The following PLB1 variants were observed in gnomAD, a reference collection of about 807,000 sequenced individuals.
PLB1 encodes phospholipase B1, membrane-associated.
A neutral mutation model predicts 227.4 loss-of-function variants in PLB1; 242 were observed. The ratio of observed to expected loss-of-function variants is 1.06; its 90% CI spans 0.96 to 1.18. PLB1 has a LOEUF of 1.18. Ranked by LOEUF, PLB1 falls within the 50% of genes most tolerant of loss-of-function variation. The pLI, the probability that PLB1 is intolerant of heterozygous loss-of-function variation, is 0.00. For synonymous variants in PLB1, 757 were observed against 682.2 expected (o/e 1.11, Z -1.71); for missense variants, 1,858 against 1,816.3 (o/e 1.02, Z -0.42).
intron 56 of PLB1, among the ~76,000 whole-genome samples, chr2:28,637,335 A>G (rs1176722251): frequency 2.6e-5 from 4 of 151,900 alleles, no homozygotes; most frequent in Non-Finnish European, 5.9e-5. Context: ...TTGAAAAACA[A>G]TATCAGTGCC....
chr2:28,637,366 G>A (rs965378995), intron 56 of PLB1, among the ~76,000 whole-genome samples: 1 of 151,642 alleles, frequency 6.6e-6, no homozygotes, highest in Admixed American at 6.6e-5. Flanking sequence ...TATCCCCAGA[G>A]AGTCTGACTT....
chr2:28,544,914 G>A (rs191909516), intron 14 of PLB1, among the ~76,000 whole-genome samples: 13 of 152,316 alleles, frequency 8.5e-5, no homozygotes, highest in African/African-American at 3.1e-4. Context: ...AGAAGCTGGA[G>A]AGGGCAGGTC....
At chr2:28,531,932 C>T (rs1671066334) in intron 8 of PLB1, among the ~76,000 whole-genome samples, 176 bp from the exon 9 acceptor site, 1 of 152,064 alleles carries the variant, frequency 6.6e-6, no homozygotes, top group African/African-American at 2.4e-5. Flanking sequence ...TATATTTTAT[C>T]AATCTAGAGC....
intron 9 of PLB1, among the ~76,000 whole-genome samples, chr2:28,536,844 A>C (rs1186232139): frequency 1.3e-5 from 2 of 152,160 alleles, no homozygotes; most frequent in East Asian, 3.9e-4. Flanking sequence ...CAGTGCCTGG[A>C]ATGACTGGGT....
chr2:28,589,646 C>G (rs1230346787), intron 27 of PLB1, 29 bp from the exon 28 acceptor site: 32 of 1,610,130 alleles, frequency 2.0e-5, no homozygotes, highest in Non-Finnish European at 2.6e-5. Context: ...GTGTCTATAA[C>G]TGCCTCTCTT....
chr2:28,630,523 C>A, intron 53 of PLB1, 63 bp from the exon 54 acceptor site: 2 of 1,461,886 alleles, frequency 1.4e-6, no homozygotes, highest in East Asian at 2.3e-5. Flanking sequence ...CAGAGCCAGC[C>A]TCCCAGGAGG....
intron 1 of PLB1, among the ~76,000 whole-genome samples, chr2:28,501,234 G>A (rs1045038561): frequency 4.0e-5 from 6 of 151,872 alleles, no homozygotes; most frequent in Non-Finnish European, 7.4e-5. Flanking sequence ...GCAAATCTGG[G>A]TTACAGACAC....
intron 31 of PLB1, among the ~76,000 whole-genome samples, chr2:28,592,039 T>G (rs1160360726): frequency 6.6e-6 from 1 of 152,148 alleles, no homozygotes; most frequent in Admixed American, 6.5e-5. Flanking sequence ...GAGCACACCC[T>G]TGGTGGCTCA....
At position 28,598,797 on chromosome 2, in the gene PLB1, G is replaced by T. The variant is rs377082619; in HGVS notation, c.2474+37G>T. 5 of 1,529,898 alleles carry T rather than the reference G, an allele frequency of 3.3e-6. No individual in the cohort carries two copies. The African/African-American group carries it at 5.5e-5, about 17-fold the overall frequency. 94.8% of individuals were successfully genotyped at this position (1,529,898 alleles called of 1,614,324 possible). A position where few individuals can be genotyped will look rare whatever the true frequency, so the allele number is the denominator to read the frequency against. The stretch of plus-strand genomic sequence containing the variant: ...GGGGAGGGAGGGAGCCTGCAGAGCA[G>T]GGAGTGGAATGTGGATAGTACCCTT... On this transcript the variant is annotated intron_variant, in intron 35 of 57. Coordinates refer to ENST00000327757, the MANE Select transcript of PLB1 (RefSeq NM_153021.5).
Position 28,529,407 on chromosome 2 carries a change from A to AT in PLB1, c.416_416+1insT (p.Glu139AspfsTer21). 6.3e-7 allele frequency: 1 copy of AT among 1,591,962 alleles called. No individual in the cohort carries two copies. The highest frequency in any genetic ancestry group is 2.2e-5 in the East Asian group (1 of 44,752). On this transcript the variant is annotated frameshift_variant and splice_region_variant. Transcript: ENST00000327757. LOFTEE classifies it high-confidence loss of function. ...AGAGTCATACCCCACGATGGTGCTG[A>AT]GTAAGTTCCCTTTCTGTCTCTCTCT...
At chr2:28,620,833 T>C in intron 48 of PLB1, 46 bp from the exon 49 acceptor site, 1 of 1,515,702 alleles carries the variant, frequency 6.6e-7, no homozygotes, top group Non-Finnish European at 9.2e-7. Context: ...GTGAGGGTCC[T>C]GCAGGCTCTC....
chr2:28,579,113 T>C (rs1369906918), intron 22 of PLB1, among the ~76,000 whole-genome samples: 1 of 152,234 alleles, frequency 6.6e-6, no homozygotes, highest in Non-Finnish European at 1.5e-5. Flanking sequence ...CACCTTACCC[T>C]ACTCAGCCTC....
intron 13 of PLB1, 71 bp downstream of exon 13, chr2:28,541,882 C>G (rs373308251): frequency 7.6e-7 from 1 of 1,308,320 alleles, no homozygotes; most frequent in Non-Finnish European, 1.1e-6. Context: ...CCTGTAATCC[C>G]AGCACTTTGG....
At chr2:28,574,352 C>A (rs1197113032) in intron 21 of PLB1, among the ~76,000 whole-genome samples, 1 of 119,796 alleles carries the variant, frequency 8.3e-6, no homozygotes, top group Admixed American at 9.8e-5. Flanking sequence ...CCCACCCTTC[C>A]TCTCTGAGTC....
intron 49 of PLB1, among the ~76,000 whole-genome samples, chr2:28,622,667 C>G (rs925228796): frequency 1.4e-4 from 22 of 152,286 alleles, no homozygotes; most frequent in African/African-American, 4.8e-4. Context: ...GTAGGTGGAT[C>G]ACCTGAGGTC....
chr2:28,578,000 G>A, intron 21 of PLB1, 107 bp from the exon 22 acceptor site: 2 of 1,077,014 alleles, frequency 1.9e-6, no homozygotes, highest in Non-Finnish European at 2.8e-6. Flanking sequence ...CCTGCAGGAG[G>A]CCCACCCTGG....
intron 46 of PLB1, 141 bp downstream of exon 46, chr2:28,618,540 C>G: frequency 1.2e-6 from 1 of 823,304 alleles, no homozygotes; most frequent in African/African-American, 1.7e-5. Context: ...GGCACTGAAA[C>G]ACAGCCAGGA....
At chr2:28,603,370 C>T (rs987340422) in intron 39 of PLB1, among the ~76,000 whole-genome samples, 1 of 152,176 alleles carries the variant, frequency 6.6e-6, no homozygotes, top group East Asian at 1.9e-4. Flanking sequence ...TAAACTGGGC[C>T]ATAAGTACAT....
Position 28,566,815 on chromosome 2 carries a change from A to G in PLB1, c.1300A>G (p.Ile434Val), listed in dbSNP as rs757018708. 1.9e-5 allele frequency: 30 copies of G among 1,614,094 alleles called. 1 individual carries two copies. The South Asian group carries it at 3.0e-4, about 16-fold the overall frequency. The change falls in exon 20 of 58, where the codon ATC becomes GTC. Residue 434 changes from isoleucine to valine, a missense_variant. Transcript: ENST00000327757. ...LSWSVGGDENIGTVTTLANIL... is the reference protein window; with the variant it reads ...LSWSVGGDENVGTVTTLANIL... ...TTACAGCGTCGGCGGAGATGAGAAC[A>G]TCGGCACCGTTACCACCCTGGCGAG...
Sources: allele counts gnomAD v4.1 joint callset (sites outside exome capture counted in the v4.1 genomes callset), GRCh38; gene constraint gnomAD v4.1.1; transcripts MANE v1.5; gene names NCBI Gene and HGNC (gene_info 2026-07-23, HGNC 2026-07-21).